Variants in STX2 observed in about 807,000 individuals in gnomAD.
The protein encoded by STX2 is syntaxin 2.
In STX2, 27 loss-of-function variants were observed where a neutral mutation model predicts 40.6. The observed-to-expected ratio is 0.66, with a 90% confidence interval of 0.49 to 0.92. The LOEUF (loss-of-function observed/expected upper bound fraction) is 0.92, where lower values mean the gene tolerates loss of function less well. STX2 is among the 40% of genes least tolerant of loss of function. STX2 has a pLI of 0.00. For synonymous variants in STX2, 123 were observed against 119.1 expected (o/e 1.03, Z -0.22); for missense variants, 328 against 366.1 (o/e 0.90, Z 0.85).
rs201987693 is a variant in STX2 at position 130,807,017 on chromosome 12, C to T, written c.428G>A (p.Arg143Gln). The T allele has an allele frequency of 2.2e-5, 36 of 1,614,032 alleles. No individual in the cohort carries two copies. The highest frequency in any genetic ancestry group is 2.6e-5 in the Non-Finnish European group (31 of 1,180,032). Residue 143 changes from arginine to glutamine, a missense_variant, in exon 6 of 11, where the codon CGG becomes CAG. Transcript: ENST00000392373. ...CTGGCGCTGGATGCGGCCTTTGCTC[C>T]GCTCCCGAAACAGAGTCTGTGCCTC... Reference protein sequence around the residue: ...YNEAQTLFRERSKGRIQRQLE... With the variant: ...YNEAQTLFREQSKGRIQRQLE...
intron 4 of STX2, among the ~76,000 whole-genome samples, chr12:130,811,399 T>G (rs992801449): frequency 4.6e-5 from 7 of 151,574 alleles, no homozygotes; most frequent in African/African-American, 1.7e-4. Flanking sequence ...GCTTGCAACT[T>G]CTAATGAATT....
intron 1 of STX2, among the ~76,000 whole-genome samples, chr12:130,835,362 G>C (rs1210489204): frequency 1.3e-5 from 2 of 152,040 alleles, no homozygotes; most frequent in Non-Finnish European, 2.9e-5. Flanking sequence ...ATTTCTTTTA[G>C]GTCTACTAAG....
intron 1 of STX2, among the ~76,000 whole-genome samples, 190 bp from the exon 2 acceptor site, chr12:130,827,457 C>T (rs1952366139): frequency 1.3e-5 from 2 of 152,178 alleles, no homozygotes; most frequent in South Asian, 4.1e-4. Flanking sequence ...CAGATCCTGG[C>T]TGAAGCAGCC....
chr12:130,803,605 C>T (rs1466707818), intron 6 of STX2, among the ~76,000 whole-genome samples: 1 of 141,608 alleles, frequency 7.1e-6, no homozygotes, highest in Non-Finnish European at 1.5e-5. Flanking sequence ...AGTTCAAGGC[C>T]ACAATAAGTG....
intron 5 of STX2, among the ~76,000 whole-genome samples, 154 bp downstream of exon 5, chr12:130,808,477 A>G (rs556915054): frequency 6.6e-6 from 1 of 152,226 alleles, no homozygotes; most frequent in Non-Finnish European, 1.5e-5. Context: ...TCTGTCTCAG[A>G]TACTTTTGTT....
chr12:130,792,724 C>A (rs1950914702), intron 10 of STX2, among the ~76,000 whole-genome samples: 1 of 152,224 alleles, frequency 6.6e-6, no homozygotes, highest in African/African-American at 2.4e-5. Context: ...CCTTGGCCTT[C>A]CGAAGTGTTG....
chr12:130,839,062 C>T lies in STX2; in HGVS notation c.30+8G>A. 7.5e-7 allele frequency: 1 copy of T among 1,339,518 alleles called. No individual in the cohort carries two copies. The highest frequency in any genetic ancestry group is 9.6e-7 in the Non-Finnish European group (1 of 1,042,282). The allele number at this position is 1,339,518 out of a possible 1,614,324, so 83.0% of individuals were successfully genotyped here. A position where few individuals can be genotyped will look rare whatever the true frequency, so the allele number is the denominator to read the frequency against. Reference sequence around the variant, plus strand: ...GGGCCTGAACCGCTACCCGCGGCTGCCGCTCACCGCCGTCAGGTCTGGCAG... The same window carrying T: ...GGGCCTGAACCGCTACCCGCGGCTGTCGCTCACCGCCGTCAGGTCTGGCAG... On this transcript the variant is annotated splice_region_variant and intron_variant, in intron 1 of 10. Coordinates refer to ENST00000392373, the MANE Select transcript of STX2 (RefSeq NM_194356.4).
At chr12:130,814,767 G>C (rs1951797874) in intron 3 of STX2, among the ~76,000 whole-genome samples, 1 of 150,876 alleles carries the variant, frequency 6.6e-6, no homozygotes, top group African/African-American at 2.4e-5. Context: ...CTCCCAAGTA[G>C]CTGGGATTAC....
At chr12:130,821,500 T>C (rs7301518) in intron 3 of STX2, among the ~76,000 whole-genome samples, 189 bp downstream of exon 3, 3,594 of 152,050 alleles carry the variant, frequency 0.024, 146 homozygotes, top group African/African-American at 0.081. Flanking sequence ...TACAGGCAGC[T>C]TTAAGAAAAA....
chr12:130,838,521 G>A (rs562276752), intron 1 of STX2, among the ~76,000 whole-genome samples: 6 of 152,294 alleles, frequency 3.9e-5, no homozygotes, highest in East Asian at 1.9e-4. Flanking sequence ...CAAGCACCCA[G>A]CACTCTAAGG....
intron 3 of STX2, among the ~76,000 whole-genome samples, chr12:130,815,207 A>G (rs1224800551): frequency 6.6e-6 from 1 of 152,236 alleles, no homozygotes; most frequent in Non-Finnish European, 1.5e-5. Flanking sequence ...GGAGATTCTC[A>G]GGGGAATCTT....
chr12:130,836,941 G>A (rs1952772504), intron 1 of STX2, among the ~76,000 whole-genome samples: 1 of 152,126 alleles, frequency 6.6e-6, no homozygotes, highest in Non-Finnish European at 1.5e-5. Context: ...ATGTTCTACT[G>A]TTTCAGGAAG....
At chr12:130,831,807 T>C (rs1336441340) in intron 1 of STX2, among the ~76,000 whole-genome samples, 2 of 152,080 alleles carry the variant, frequency 1.3e-5, no homozygotes, top group Admixed American at 1.3e-4. Flanking sequence ...CCATTATTAT[T>C]ATATAAATAC....
chr12:130,818,181 A>ATATATATAT (rs1555222320), intron 3 of STX2, among the ~76,000 whole-genome samples: 6 of 20,172 alleles, frequency 3.0e-4, no homozygotes, highest in African/African-American at 3.6e-4. Context: ...AAAAAAAAAA[A>ATATATATAT]AAAAATATAT....
At chr12:130,793,220 G>A (rs1158687509) in intron 10 of STX2, among the ~76,000 whole-genome samples, 1 of 152,128 alleles carries the variant, frequency 6.6e-6, no homozygotes, top group Non-Finnish European at 1.5e-5. Context: ...GCTGCCTGCA[G>A]GAGGGCCCCT....
intron 4 of STX2, among the ~76,000 whole-genome samples, chr12:130,811,792 G>A (rs12816800): frequency 0.35 from 52,887 of 151,954 alleles, 9,550 homozygotes; most frequent in Middle Eastern, 0.41. Context: ...CACCCGCCTC[G>A]GCCTCCCAAA....
rs773591694 is a variant in STX2, at chr12:130,798,552, A to T, written c.759T>A (p.Ala253=). 67 of 1,604,852 alleles carry T rather than the reference A, an allele frequency of 4.2e-5. No individual in the cohort carries two copies. The highest frequency in any genetic ancestry group is 4.8e-5 in the Non-Finnish European group (56 of 1,177,628). ...VEHAKEETKK[A]IKYQSKARRK... is the part of the protein sequence containing the mutation. ...TTCTTGCCTTGCTCTGATATTTGAT[A>T]GCTTTTTTTGTTTCTTCTTTAGCGT... is the stretch of plus-strand genomic sequence containing the variant. The change falls in exon 9 of 11, where the codon GCT becomes GCA. Residue 253 remains alanine (A), a synonymous_variant. Coordinates refer to ENST00000392373, the MANE Select transcript of STX2 (RefSeq NM_194356.4).
chr12:130,801,434 G>A lies in STX2; in HGVS notation c.518C>T (p.Pro173Leu). 1 of 1,610,612 alleles carries A rather than the reference G, an allele frequency of 6.2e-7. No individual in the cohort carries two copies. The highest frequency in any genetic ancestry group is 1.1e-5 in the South Asian group (1 of 90,418). ...ELEEMLESGK[P>L]SIFTSDIISD... is the part of the protein sequence containing the mutation. ...ACTCACGTCGGAAGTGAAGATGGAT[G>A]GCTTCCCGCTCTCCAGCATCTCTTC... Residue 173 changes from proline (P) to leucine (L), a missense_variant, in exon 7 of 11, where the codon CCA becomes CTA. Transcript: ENST00000392373.
rs371353897 is a variant in STX2, at chr12:130,801,202, C to T, written c.626G>A (p.Arg209Gln). The T allele has an allele frequency of 1.1e-5, 18 of 1,613,914 alleles. No homozygotes were observed. In the Admixed American group the frequency reaches 2.0e-4, roughly 18 times the overall value. The change falls in exon 8 of 11, where the codon CGA becomes CAA. Residue 209 changes from arginine (R) to glutamine (Q), a missense_variant. Transcript: ENST00000392373. ...KDIMKLETSI[R>Q]ELHEMFMDMA... is the part of the protein sequence containing the mutation. The stretch of plus-strand genomic sequence containing the variant: ...GTCCATGAACATCTCATGCAACTCT[C>T]GGATGCTGGTCTCCAGCTTCATGAT...
Sources: gnomAD v4.1 joint callset for allele counts (sites outside exome capture counted in the v4.1 genomes callset) on GRCh38, gnomAD v4.1.1 for gene constraint, MANE v1.5 for transcripts, NCBI Gene and HGNC (gene_info 2026-07-23, HGNC 2026-07-21) for gene names.